Variants in KCNN2 observed in about 807,000 individuals in gnomAD.
The protein encoded by KCNN2 is small conductance calcium-activated potassium channel protein 2.
In KCNN2, 24 loss-of-function variants were observed where a neutral mutation model predicts 55.5. The observed-to-expected ratio is 0.43, with a 90% CI of 0.31 to 0.61. The LOEUF (loss-of-function observed/expected upper bound fraction) is 0.61. Ranked by LOEUF, KCNN2 falls within the 20% of genes least tolerant of loss-of-function variation. KCNN2 has a pLI of 0.08. For missense variants in KCNN2, 754 were observed against 853.6 expected, an observed-to-expected ratio of 0.88 and a Z score of 1.45; for synonymous variants, 431 against 336.1, an observed-to-expected ratio of 1.28 and a Z score of -3.09.
intron 2 of KCNN2, among the ~76,000 whole-genome samples, chr5:114,338,415 G>T (rs1221815373): frequency 6.6e-6 from 1 of 152,080 alleles, no homozygotes; most frequent in Admixed American, 6.6e-5. Flanking sequence ...GTGTTCCAAA[G>T]GTCCTTTCAA....
chr5:114,177,234 A>T (rs963530217), intron 1 of KCNN2, among the ~76,000 whole-genome samples: 13 of 147,120 alleles, frequency 8.8e-5, no homozygotes, highest in Non-Finnish European at 1.0e-4. Context: ...GCCTCCCGGG[A>T]TCACGCCATT....
chr5:114,439,084 A>G (rs748978735), intron 3 of KCNN2, among the ~76,000 whole-genome samples: 11 of 152,226 alleles, frequency 7.2e-5, no homozygotes, highest in Non-Finnish European at 1.6e-4. Flanking sequence ...TATTCAGTAA[A>G]ATGATAGACT....
intron 2 of KCNN2, among the ~76,000 whole-genome samples, chr5:114,400,747 T>C (rs1758761514): frequency 1.3e-5 from 2 of 152,198 alleles, no homozygotes; most frequent in African/African-American, 4.8e-5. Flanking sequence ...ATGTGCTGTT[T>C]CCTGTGCCTA....
chr5:114,311,429 G>A (rs1188109547), intron 2 of KCNN2, among the ~76,000 whole-genome samples: 4 of 152,104 alleles, frequency 2.6e-5, no homozygotes, highest in African/African-American at 9.7e-5. Context: ...TTCAGCAAAC[G>A]GCTGCATTTG....
In KCNN2 at chr5:114,195,415, G is replaced by A. The variant is rs139483563; in HGVS notation, c.-270-26065G>A. Among the ~76,000 whole-genome samples, 1,053 of 151,946 alleles carry A rather than the reference G, an allele frequency of 6.9e-3. 7 individuals carry two copies. Among genetic ancestry groups the A allele is most frequent in the Middle Eastern group, 0.017 (5 of 294 alleles). On this transcript the variant is annotated intron_variant, in intron 1 of 10. Transcript: ENST00000512097. ...GTGTCTTAAACATTCTTTATAAGAT[G>A]TGTATACCTAAATATTTTACTCCTT...
chr5:114,289,035 A>G (rs571762882), intron 2 of KCNN2, among the ~76,000 whole-genome samples: 1 of 152,278 alleles, frequency 6.6e-6, no homozygotes, highest in South Asian at 2.1e-4. Context: ...GATGGCGTAG[A>G]GGCACAACTT....
intron 1 of KCNN2, among the ~76,000 whole-genome samples, chr5:114,127,389 T>A (rs1751960345): frequency 6.6e-6 from 1 of 152,188 alleles, no homozygotes; most frequent in Non-Finnish European, 1.5e-5. Flanking sequence ...GACTTTTGTA[T>A]ACCTGCAGGC....
chr5:114,160,272 G>A (rs189140703), intron 1 of KCNN2, among the ~76,000 whole-genome samples: 32 of 152,186 alleles, frequency 2.1e-4, no homozygotes, highest in African/African-American at 5.1e-4. Flanking sequence ...CGCCATAGTC[G>A]TTCAGGAGCA....
intron 1 of KCNN2, among the ~76,000 whole-genome samples, chr5:114,080,834 C>A (rs1463905070): frequency 6.6e-6 from 1 of 151,704 alleles, no homozygotes; most frequent in African/African-American, 2.4e-5. Context: ...TAGGTGGAGC[C>A]ATTAGGCAAT....
chr5:114,254,055 T>G (rs1001853480), intron 2 of KCNN2, among the ~76,000 whole-genome samples: 4 of 152,124 alleles, frequency 2.6e-5, no homozygotes, highest in African/African-American at 9.7e-5. Flanking sequence ...ATTTTTTTAC[T>G]TAAAACAGCT....
intron 2 of KCNN2, among the ~76,000 whole-genome samples, chr5:114,351,936 T>C (rs911600580): frequency 6.6e-5 from 10 of 151,726 alleles, no homozygotes; most frequent in Non-Finnish European, 4.4e-5. Flanking sequence ...AGGGTAATAC[T>C]GGCCTTTTAA....
chr5:114,136,574 A>G lies in KCNN2; in HGVS notation c.-271+80074A>G, dbSNP rs115001557. On this transcript the variant is annotated intron_variant, in intron 1 of 10. Coordinates refer to the KCNN2 transcript ENST00000512097. ...GTGGAACCTGGTGGAGGGAGGATCT[A>G]TAAGAAACTAATATTTTTCTTCATA... is the stretch of plus-strand genomic sequence containing the variant. Among the ~76,000 whole-genome samples, 1,251 of 152,364 alleles carry G rather than the reference A, an allele frequency of 8.2e-3. 13 individuals carry two copies. Among genetic ancestry groups the G allele is most frequent in the African/African-American group, 0.028 (1,166 of 41,594 alleles).
intron 1 of KCNN2, among the ~76,000 whole-genome samples, chr5:114,181,091 C>CT (rs1485563383): frequency 2.0e-5 from 3 of 152,156 alleles, no homozygotes; most frequent in Non-Finnish European, 4.4e-5. Flanking sequence ...TATGAATACT[C>CT]TCATGCAAGT....
chr5:114,383,388 G>C (rs1292956382), intron 2 of KCNN2, among the ~76,000 whole-genome samples: 1 of 151,928 alleles, frequency 6.6e-6, no homozygotes, highest in Admixed American at 6.6e-5. Context: ...TTGATTGCCT[G>C]GGTGTGAATA....
chr5:114,375,796 A>G (rs1376403560), intron 2 of KCNN2, among the ~76,000 whole-genome samples: 2 of 151,950 alleles, frequency 1.3e-5, no homozygotes, highest in Non-Finnish European at 2.9e-5. Context: ...CATGGGTGAT[A>G]CAAAGAGAAA....
chr5:114,083,952 T>G (rs1404658817), intron 1 of KCNN2, among the ~76,000 whole-genome samples: 2 of 152,122 alleles, frequency 1.3e-5, no homozygotes, highest in Non-Finnish European at 2.9e-5. Flanking sequence ...TCAGTCTGGG[T>G]TCTTTCACTT....
At chr5:114,077,409 T>C (rs765833540) in intron 1 of KCNN2, among the ~76,000 whole-genome samples, 3 of 152,190 alleles carry the variant, frequency 2.0e-5, no homozygotes, top group Non-Finnish European at 4.4e-5. Context: ...GATCCTGTAT[T>C]GTGAGGCCCT....
At chr5:114,357,796 G>A (rs1294862970), upstream of KCNN2, among the ~76,000 whole-genome samples, 1 of 151,212 alleles carries the variant, frequency 6.6e-6, no homozygotes, top group Non-Finnish European at 1.5e-5. Context: ...ATGATTTATA[G>A]TCCTTTGGGT....
In KCNN2 at chr5:114,241,717, TATACGTATATATATAC is replaced by T. The variant is rs1307319247; in HGVS notation, c.-185+20156_-185+20171del. ...GAATATATATGTGGATATATATATATATACGTATATATATACATATATACGTATATATATGTATATA... is the reference window on the plus strand; with the variant it reads ...GAATATATATGTGGATATATATATATATATATACGTATATATATGTATATA... On this transcript the variant is annotated intron_variant, in intron 2 of 10. Coordinates refer to the KCNN2 transcript ENST00000512097. Among the ~76,000 whole-genome samples, 25 of 115,780 alleles carry T rather than the reference TATACGTATATATATAC, an allele frequency of 2.2e-4. 1 individual carries two copies. The highest frequency in any genetic ancestry group is 7.7e-4 in the African/African-American group (22 of 28,590). 76.0% of individuals were successfully genotyped at this position (115,780 alleles called of 152,430 possible).
Sources: allele counts gnomAD v4.1 joint callset (sites outside exome capture counted in the v4.1 genomes callset), GRCh38; gene constraint gnomAD v4.1.1; transcripts MANE v1.5; gene names NCBI Gene and HGNC (gene_info 2026-07-23, HGNC 2026-07-21).